CDH13: variants seen among roughly 807,000 people sequenced by gnomAD.
CDH13 encodes cadherin 13.
CDH13 carries 24 observed loss-of-function variants against 63.8 expected under a neutral mutation model. The observed-to-expected ratio is 0.38, with a 90% CI of 0.27 to 0.53. The LOEUF is 0.53. Ranked by LOEUF, CDH13 falls within the 20% of genes least tolerant of loss-of-function variation. The pLI is 0.85. For missense variants in CDH13, 1,049 were observed against 903.1 expected (o/e 1.16, Z -2.07); for synonymous variants, 503 against 355.3 (o/e 1.42, Z -4.67).
chr16:83,251,388 T>C (rs925765927), intron 5 of CDH13, among the ~76,000 whole-genome samples: 3 of 152,228 alleles, frequency 2.0e-5, no homozygotes, highest in Admixed American at 6.5e-5. Flanking sequence ...CATTGCCCCA[T>C]TTTAAAGAGA....
At chr16:83,158,351 A>C (rs953676553) in intron 4 of CDH13, among the ~76,000 whole-genome samples, 3 of 151,952 alleles carry the variant, frequency 2.0e-5, no homozygotes, top group Admixed American at 6.6e-5. Flanking sequence ...TGTGCAGTGA[A>C]TCCATATTTC....
At chr16:83,736,320 G>A (rs989930129) in intron 10 of CDH13, among the ~76,000 whole-genome samples, 1 of 152,176 alleles carries the variant, frequency 6.6e-6, no homozygotes, top group African/African-American at 2.4e-5. Flanking sequence ...AGCTTCTGAA[G>A]TCTCAGCCTG....
intron 5 of CDH13, among the ~76,000 whole-genome samples, chr16:83,254,943 CT>C (rs1906028435): frequency 9.0e-6 from 1 of 110,872 alleles, no homozygotes; most frequent in South Asian, 3.1e-4. Context: ...TGGATTTTTT[CT>C]TTTTCTCTTT....
At chr16:82,684,258 G>A (rs929350493) in intron 1 of CDH13, among the ~76,000 whole-genome samples, 3 of 152,202 alleles carry the variant, frequency 2.0e-5, no homozygotes, top group African/African-American at 7.2e-5. Context: ...AACGGTGACT[G>A]TGAGAGTAAA....
chr16:83,307,683 A>G (rs1239120487), intron 5 of CDH13, among the ~76,000 whole-genome samples: 1 of 152,188 alleles, frequency 6.6e-6, no homozygotes, highest in Non-Finnish European at 1.5e-5. Context: ...TTAATAATAG[A>G]AATTGAAAAG....
intron 2 of CDH13, among the ~76,000 whole-genome samples, chr16:82,893,877 C>T (rs993912052): frequency 1.3e-5 from 2 of 152,190 alleles, no homozygotes; most frequent in Admixed American, 6.5e-5. Context: ...CTTCCTTCCA[C>T]TGGTCCAAGT....
chr16:83,603,636 A>AC, intron 8 of CDH13, among the ~76,000 whole-genome samples: 1 of 152,276 alleles, frequency 6.6e-6, no homozygotes, highest in Middle Eastern at 3.4e-3. Context: ...CTATATAGGG[A>AC]CCTGCAGTTG....
chr16:82,893,831 G>T (rs116159100), intron 2 of CDH13, among the ~76,000 whole-genome samples: 2,589 of 152,136 alleles, frequency 0.017, 69 homozygotes, highest in African/African-American at 0.058. Flanking sequence ...TTCTTTCCAT[G>T]TGACTTATCG....
intron 6 of CDH13, among the ~76,000 whole-genome samples, chr16:83,430,910 G>A (rs915517770): frequency 2.2e-4 from 33 of 151,626 alleles, no homozygotes; most frequent in Non-Finnish European, 3.7e-4. Flanking sequence ...CTGGTGTGCT[G>A]CACCCACTAA....
intron 2 of CDH13, among the ~76,000 whole-genome samples, chr16:82,955,962 TCA>T (rs1906026377): frequency 6.6e-6 from 1 of 152,216 alleles, no homozygotes; most frequent in Non-Finnish European, 1.5e-5. Context: ...TCACTGACAT[TCA>T]GTCTTGGATT....
chr16:82,919,677 T>G (rs2042096472), intron 2 of CDH13, among the ~76,000 whole-genome samples: 1 of 152,210 alleles, frequency 6.6e-6, no homozygotes, highest in South Asian at 2.1e-4. Flanking sequence ...TGTGTGCATG[T>G]GGCCAACATT....
chr16:83,356,206 A>C (rs921114316), intron 6 of CDH13, among the ~76,000 whole-genome samples: 1 of 124,798 alleles, frequency 8.0e-6, no homozygotes, highest in Admixed American at 8.4e-5. Context: ...GAGTTTATTT[A>C]TTTTCATGTG....
chr16:83,333,297 A>C (rs1443811438), intron 5 of CDH13, among the ~76,000 whole-genome samples: 1 of 152,196 alleles, frequency 6.6e-6, no homozygotes, highest in African/African-American at 2.4e-5. Context: ...ATTTCAAAGG[A>C]ATAATGGCTG....
chr16:82,964,181 A>T (rs1907470001), intron 2 of CDH13, among the ~76,000 whole-genome samples: 1 of 152,216 alleles, frequency 6.6e-6, no homozygotes, highest in African/African-American at 2.4e-5. Flanking sequence ...GTATTAATAA[A>T]ACAATCTCAA....
At chr16:83,553,919 AACC>A (rs1431912573) in intron 7 of CDH13, among the ~76,000 whole-genome samples, 2 of 152,232 alleles carry the variant, frequency 1.3e-5, no homozygotes, top group African/African-American at 4.8e-5. Flanking sequence ...TTGTTTACTT[AACC>A]ACCAATTTAT....
At chr16:83,291,866 G>A (rs559553157) in intron 5 of CDH13, among the ~76,000 whole-genome samples, 2 of 152,088 alleles carry the variant, frequency 1.3e-5, no homozygotes, top group Non-Finnish European at 2.9e-5. Context: ...TGTGTTCTAT[G>A]ATTCTTTTCC....
chr16:83,115,638 A>G (rs546322771), intron 3 of CDH13, among the ~76,000 whole-genome samples: 1 of 152,336 alleles, frequency 6.6e-6, no homozygotes, highest in African/African-American at 2.4e-5. Context: ...GGCTGACTGC[A>G]TGAGTCTCAC....
At chr16:83,332,106 T>C (rs1029263525) in intron 5 of CDH13, among the ~76,000 whole-genome samples, 2 of 152,180 alleles carry the variant, frequency 1.3e-5, no homozygotes, top group Non-Finnish European at 2.9e-5. Context: ...CTAATTATTG[T>C]AACAATTTTA....
At chr16:83,036,029 G>C (rs1263912797) in intron 3 of CDH13, among the ~76,000 whole-genome samples, 1 of 152,094 alleles carries the variant, frequency 6.6e-6, no homozygotes, top group African/African-American at 2.4e-5. Context: ...TGCATCTACT[G>C]GGTGAGGAGA....
Sources: allele counts gnomAD v4.1 joint callset (sites outside exome capture counted in the v4.1 genomes callset), GRCh38; gene constraint gnomAD v4.1.1; transcripts MANE v1.5; gene names NCBI Gene and HGNC (gene_info 2026-07-23, HGNC 2026-07-21).